ACSM6: variants seen among roughly 807,000 people sequenced by gnomAD.
ACSM6 encodes the protein acyl-CoA synthetase medium chain family member 6, also known as acyl-coenzyme A synthetase ACSM6, mitochondrial.
In ACSM6, 35 loss-of-function variants were observed where a neutral mutation model predicts 51.1. The ratio of observed to expected loss-of-function variants is 0.69; its 90% CI spans 0.52 to 0.91. The LOEUF is 0.91. Ranked by LOEUF, ACSM6 falls within the 40% of genes least tolerant of loss-of-function variation. ACSM6 has a pLI of 0.00. For missense variants in ACSM6, 509 were observed against 584.1 expected (o/e 0.87, Z 1.32); for synonymous variants, 172 against 207.3 (o/e 0.83, Z 1.46).
intron 2 of ACSM6, among the ~76,000 whole-genome samples, chr10:95,196,227 G>A (rs1239550789): frequency 6.6e-6 from 1 of 152,200 alleles, no homozygotes; most frequent in Non-Finnish European, 1.5e-5. Context: ...TACAGACAAA[G>A]GCCCAGCTGG....
Position 95,225,228 on chromosome 10 carries a change from T to G in ACSM6, c.1201-62T>G, listed in dbSNP as rs1280719191. The G allele has an allele frequency of 1.6e-5, 19 of 1,163,228 alleles. 1 individual carries two copies. Among genetic ancestry groups the G allele is most frequent in the Non-Finnish European group, 2.4e-5 (19 of 799,818 alleles). 72.1% of individuals were successfully genotyped at this position (1,163,228 alleles called of 1,614,324 possible). A position where few individuals can be genotyped will look rare whatever the true frequency, so the allele number is the denominator to read the frequency against. ...AAAGGCTTAAGTTTAGATCTTGTGGTGTTTTAGGAAGAGCACAAGTGGTTT... is the reference window on the plus strand; with the variant it reads ...AAAGGCTTAAGTTTAGATCTTGTGGGGTTTTAGGAAGAGCACAAGTGGTTT... On this transcript the variant is annotated intron_variant, in intron 9 of 10. Coordinates refer to ENST00000341686, the Ensembl canonical transcript of ACSM6.
chr10:95,198,660 A>C (rs2034760165), intron 2 of ACSM6, among the ~76,000 whole-genome samples: 1 of 152,218 alleles, frequency 6.6e-6, no homozygotes, highest in Admixed American at 6.5e-5. Flanking sequence ...AAAAAAAAAA[A>C]AAAATTACTT....
chr10:95,212,794 C>T, intron 6 of ACSM6, 64 bp from the exon 7 acceptor site: 1 of 1,314,904 alleles, frequency 7.6e-7, no homozygotes, highest in Non-Finnish European at 1.1e-6. Flanking sequence ...TGGACCCCTG[C>T]CACAGTCTCA....
chr10:95,225,637 G>A (rs1465290801), intron 10 of ACSM6: 1 of 359,492 alleles, frequency 2.8e-6, no homozygotes, highest in Non-Finnish European at 5.0e-6. Flanking sequence ...CAGACATTAT[G>A]ACACTTTGTC....
chr10:95,209,557 G>GT (rs1235995348), intron 4 of ACSM6, among the ~76,000 whole-genome samples: 1 of 152,198 alleles, frequency 6.6e-6, no homozygotes, highest in Non-Finnish European at 1.5e-5. Context: ...GTGGACCATG[G>GT]TGGTGGCAAT....
Position 95,219,964 on chromosome 10 carries a change from T to C in ACSM6, c.1193T>C (p.Ile398Thr), listed in dbSNP as rs745532827. ...CTGGGGAAGCCATTGCCACCTTATA[T>C]TGTCCAGGTAGGAGATCATAGTAAT... The change falls in exon 9 of 11, where the codon ATT (isoleucine) becomes ACT (threonine). Residue 398 changes from isoleucine to threonine, a missense_variant. Physicochemically the swap from Ile to Thr is moderately conservative, Grantham distance 89. Transcript: ENST00000341686. The C allele has an allele frequency of 4.4e-6, 7 of 1,608,798 alleles. No homozygotes were observed. In the Middle Eastern group the frequency reaches 4.9e-4, roughly 113 times the overall value.
intron 3 of ACSM6, among the ~76,000 whole-genome samples, chr10:95,203,992 TC>T (rs1314679511): frequency 6.6e-6 from 1 of 151,496 alleles, no homozygotes; most frequent in African/African-American, 2.4e-5. Context: ...CTATCCAGGC[TC>T]CCAGTGTTTC....
chr10:95,194,716 A>T (rs592041), intron 2 of ACSM6, 39 bp downstream of exon 2: 806,672 of 1,518,264 alleles, frequency 0.53, 221,848 homozygotes, highest in Middle Eastern at 0.62. Flanking sequence ...ACTTTGGCCA[A>T]GGCCAGTTGG....
chr10:95,202,968 GT>G, intron 3 of ACSM6, among the ~76,000 whole-genome samples: 1 of 151,728 alleles, frequency 6.6e-6, no homozygotes, highest in East Asian at 1.9e-4. Flanking sequence ...GACAGAGAAG[GT>G]AGGAATATCT....
At chr10:95,223,313 G>A (rs138733178) in intron 9 of ACSM6, among the ~76,000 whole-genome samples, 65 of 152,154 alleles carry the variant, frequency 4.3e-4, no homozygotes, top group African/African-American at 1.4e-3. Flanking sequence ...GGATTTTGGA[G>A]GCTGTGTCTC....
Position 95,218,512 on chromosome 10 carries a change from T to C in ACSM6, c.1120-1379T>C, listed in dbSNP as rs1314212507. Among the ~76,000 whole-genome samples the C allele has an allele frequency of 5.3e-5, 8 of 152,222 alleles. No individual in the cohort carries two copies. The East Asian group carries it at 1.2e-3, about 22-fold the overall frequency. ...CCCTCTCAATTGCTCCATCTGCTTT[T>C]TTCTCTGAGTTGTTCTCTGATGAGT... On this transcript the variant is annotated intron_variant, in intron 8 of 10. Coordinates refer to ENST00000341686, the Ensembl canonical transcript of ACSM6.
At position 95,211,983 on chromosome 10, in the gene ACSM6, C is replaced by CT. The variant is rs1431536240; in HGVS notation, c.862dup (p.Cys288LeufsTer13). 6.2e-7 allele frequency: 1 copy of CT among 1,614,056 alleles called. No homozygotes were observed. Among genetic ancestry groups the CT allele is most frequent in the Non-Finnish European group, 8.5e-7 (1 of 1,179,982 alleles). On this transcript the variant is annotated frameshift_variant, in exon 6 of 11. Coordinates refer to ENST00000341686, the Ensembl canonical transcript of ACSM6. LOFTEE classifies it high-confidence loss of function. ...TCTTGGGAACTTGGTTCCAAGGAGCCTGTGTGTTTCTGTGTCACATGCCAA... is the reference window on the plus strand; with the variant it reads ...TCTTGGGAACTTGGTTCCAAGGAGCCTTGTGTGTTTCTGTGTCACATGCCAA...
At chr10:95,226,233 T>A (rs2035037466) in intron 10 of ACSM6, 1 of 152,228 alleles carries the variant, frequency 6.6e-6, no homozygotes, top group Admixed American at 6.5e-5. Context: ...CCAATCATTT[T>A]AGCATCCATA....
chr10:95,194,648 G>A, exon 2 of ACSM6: 1 of 1,552,168 alleles, frequency 6.4e-7, no homozygotes, highest in Non-Finnish European at 8.7e-7. Context: ...TGCAAAGGAT[G>A]TGTTGGATCA....
At chr10:95,204,278 C>T (rs990962505) in intron 3 of ACSM6, among the ~76,000 whole-genome samples, 5 of 152,126 alleles carry the variant, frequency 3.3e-5, no homozygotes, top group South Asian at 2.1e-4. Flanking sequence ...ATCAGCCGGG[C>T]GCAGTGGCTA....
At chr10:95,219,777 G>A in intron 8 of ACSM6, 114 bp from the exon 9 acceptor site, 1 of 724,894 alleles carries the variant, frequency 1.4e-6, no homozygotes, top group Admixed American at 2.6e-5. Context: ...TTACTTGTTA[G>A]ACTGTGTAAT....
chr10:95,207,215 C>T, exon 4 of ACSM6: 1 of 1,613,932 alleles, frequency 6.2e-7, no homozygotes, highest in Non-Finnish European at 8.5e-7. Context: ...CAGGAATCAC[C>T]TTTGTGCCTG....
intron 2 of ACSM6, among the ~76,000 whole-genome samples, chr10:95,200,485 C>T (rs573910110): frequency 1.4e-5 from 2 of 146,280 alleles, no homozygotes; most frequent in South Asian, 4.3e-4. Context: ...TACCCTAAAA[C>T]TTGAAGAAGA....
At chr10:95,214,353 T>C (rs12267472) in intron 7 of ACSM6, among the ~76,000 whole-genome samples, 1,917 of 151,216 alleles carry the variant, frequency 0.013, 43 homozygotes, top group African/African-American at 0.044. Context: ...ATAAAATGAA[T>C]TGTGGGTTTA....
Sources: allele counts gnomAD v4.1 joint callset (sites outside exome capture counted in the v4.1 genomes callset), GRCh38; gene constraint gnomAD v4.1.1; transcripts MANE v1.5; gene names NCBI Gene and HGNC (gene_info 2026-07-23, HGNC 2026-07-21).